Variants in OR9Q1 observed in about 807,000 individuals in gnomAD.
The protein encoded by OR9Q1 is olfactory receptor family 9 subfamily Q member 1, also known as olfactory receptor 9Q1.
For synonymous variants in OR9Q1, 153 were observed against 148.6 expected, an observed-to-expected ratio of 1.03 and a Z score of -0.22; for missense variants, 374 against 378.8, an observed-to-expected ratio of 0.99 and a Z score of 0.11.
intron 2 of OR9Q1, among the ~76,000 whole-genome samples, chr11:58,089,832 G>A (rs1853667435): frequency 6.6e-6 from 1 of 151,822 alleles, no homozygotes. Context: ...ATTTCCTTGA[G>A]CAGTGGTTTG....
Position 58,117,054 on chromosome 11 carries a change from T to C in OR9Q1, c.-15+61107T>C, listed in dbSNP as rs1310625477. ...TTGCTTTCATTGACTTTTATCATCATTGGTTGGTGATCTATTTTGCTTTTG... is the reference window on the plus strand; with the variant it reads ...TTGCTTTCATTGACTTTTATCATCACTGGTTGGTGATCTATTTTGCTTTTG... On this transcript the variant is annotated intron_variant, in intron 2 of 2. Transcript: ENST00000335397. 2.0e-5 allele frequency: 3 copies of C among 152,224 alleles called. No individual in the cohort carries two copies. In the East Asian group the frequency reaches 5.8e-4, roughly 29 times the overall value. 9.4% of individuals were successfully genotyped at this position (152,224 alleles called of 1,614,324 possible). A position where few individuals can be genotyped will look rare whatever the true frequency, so the allele number is the denominator to read the frequency against.
At chr11:58,141,395 C>T (rs1488425330) in intron 2 of OR9Q1, among the ~76,000 whole-genome samples, 1 of 152,138 alleles carries the variant, frequency 6.6e-6, no homozygotes, top group Admixed American at 6.5e-5. Context: ...TATGTCCCAT[C>T]AATACCTAAT....
intron 2 of OR9Q1, among the ~76,000 whole-genome samples, chr11:58,176,555 A>G (rs544870826): frequency 6.6e-6 from 1 of 152,314 alleles, no homozygotes; most frequent in Non-Finnish European, 1.5e-5. Flanking sequence ...GAATTGAACA[A>G]AAACCAGTGA....
chr11:58,129,543 GT>G (rs35898362), intron 2 of OR9Q1, among the ~76,000 whole-genome samples: 20,871 of 151,982 alleles, frequency 0.14, 2,389 homozygotes, highest in African/African-American at 0.28. Flanking sequence ...CCTCCCTCTG[GT>G]TTTGATCTCC....
At chr11:58,027,851 G>A (rs960826936) in intron 1 of OR9Q1, among the ~76,000 whole-genome samples, 14 of 152,152 alleles carry the variant, frequency 9.2e-5, no homozygotes, top group Admixed American at 7.2e-4. Context: ...GCTAATCTGG[G>A]CCTGATACAA....
At position 58,175,064 on chromosome 11, in the gene OR9Q1, C is replaced by A. The variant is rs1040751247; in HGVS notation, c.-14-4367C>A. Among the ~76,000 whole-genome samples, 3 of 127,522 alleles carry A rather than the reference C, an allele frequency of 2.4e-5. No homozygotes were observed. In the East Asian group the frequency reaches 7.2e-4, roughly 31 times the overall value. The allele number at this position is 127,522 out of a possible 152,430, so 83.7% of individuals were successfully genotyped here. Reference sequence around the variant, plus strand: ...GAGGTTGCAGTGACCTGAAATCACGCGACTGCACTCCAGCCTGGGCGACAG... The same window carrying A: ...GAGGTTGCAGTGACCTGAAATCACGAGACTGCACTCCAGCCTGGGCGACAG... On this transcript the variant is annotated intron_variant, in intron 2 of 2. Transcript: ENST00000335397.
At position 58,180,356 on chromosome 11, in the gene OR9Q1, C is replaced by A. The variant is rs1354789765; in HGVS notation, c.912C>A (p.Leu304=). Residue 304 remains leucine, a synonymous_variant, in exon 3 of 3, where the codon CTC becomes CTA. Transcript: ENST00000335397. The part of the protein sequence containing the change: ...KEVKEALRKI[L]NRAKLS ...TGAAGGAGGCCCTGAGAAAAATTCT[C>A]AATAGAGCCAAGTTGTCCTAACCAT... 2.5e-6 allele frequency: 4 copies of A among 1,591,536 alleles called. No individual in the cohort carries two copies. The highest frequency in any genetic ancestry group is 1.3e-5 in the African/African-American group (1 of 74,486).
chr11:58,045,816 G>T (rs1853210831), intron 1 of OR9Q1, among the ~76,000 whole-genome samples: 1 of 152,162 alleles, frequency 6.6e-6, no homozygotes, highest in African/African-American at 2.4e-5. Flanking sequence ...ACCACTCTAG[G>T]GTTCCTTGAG....
chr11:58,069,839 C>G (rs1853468848), intron 2 of OR9Q1, among the ~76,000 whole-genome samples: 1 of 151,726 alleles, frequency 6.6e-6, no homozygotes, highest in Non-Finnish European at 1.5e-5. Context: ...CACTGCATTC[C>G]AGCCTGTGTG....
At chr11:58,067,009 G>A (rs1424255476) in intron 2 of OR9Q1, among the ~76,000 whole-genome samples, 1 of 149,060 alleles carries the variant, frequency 6.7e-6, no homozygotes, top group Non-Finnish European at 1.5e-5. Context: ...GCAGGGTTCA[G>A]CTGTAATTTG....
chr11:58,105,014 CA>C (rs1445656810), intron 2 of OR9Q1, among the ~76,000 whole-genome samples: 2 of 151,556 alleles, frequency 1.3e-5, no homozygotes, highest in Non-Finnish European at 2.9e-5. Context: ...ATTTTTATAA[CA>C]ATTCTTTCAA....
At chr11:58,127,653 T>C (rs1314123270) in intron 2 of OR9Q1, among the ~76,000 whole-genome samples, 1 of 152,168 alleles carries the variant, frequency 6.6e-6, no homozygotes, top group Non-Finnish European at 1.5e-5. Flanking sequence ...TGTGAGCTCT[T>C]AGCAGCCAAT....
At chr11:58,160,979 T>A (rs1281612951) in intron 2 of OR9Q1, among the ~76,000 whole-genome samples, 1 of 151,570 alleles carries the variant, frequency 6.6e-6, no homozygotes, top group Non-Finnish European at 1.5e-5. Flanking sequence ...GAGTTAAGAG[T>A]TCTAATTGAA....
At chr11:58,090,346 T>G (rs902080032) in intron 2 of OR9Q1, among the ~76,000 whole-genome samples, 11 of 152,248 alleles carry the variant, frequency 7.2e-5, no homozygotes, top group African/African-American at 2.7e-4. Context: ...ACTGAGTGTT[T>G]TAGCATAAAG....
rs554937067 is a variant in OR9Q1 at position 58,024,105 on chromosome 11, G to A, written c.-93+1G>A. On this transcript the variant is annotated splice_donor_variant, in intron 1 of 2. Coordinates refer to ENST00000335397, the MANE Select transcript of OR9Q1 (RefSeq NM_001005212.4). LOFTEE classifies it low-confidence loss of function (5UTR_SPLICE). ...AACTCACAGCTACGGCCTGACGGAG[G>A]TAGGGTCAAATGCAGCTCCACTGAT... The A allele has an allele frequency of 2.0e-5, 3 of 152,314 alleles. No individual in the cohort carries two copies. Among genetic ancestry groups the A allele is most frequent in the Non-Finnish European group, 4.4e-5 (3 of 68,086 alleles). The allele number at this position is 152,314 out of a possible 1,614,324, so 9.4% of individuals were successfully genotyped here. A position where few individuals can be genotyped will look rare whatever the true frequency, so the allele number is the denominator to read the frequency against.
intron 1 of OR9Q1, among the ~76,000 whole-genome samples, chr11:58,049,680 T>C (rs914449082): frequency 3.6e-5 from 3 of 82,660 alleles, no homozygotes; most frequent in African/African-American, 1.7e-4. Flanking sequence ...GACGACATGA[T>C]TGTTTATCTA....
At chr11:58,042,640 T>G (rs3133868) in intron 1 of OR9Q1, among the ~76,000 whole-genome samples, 98,655 of 148,644 alleles carry the variant, frequency 0.66, 33,221 homozygotes, top group Middle Eastern at 0.79. Context: ...CTCTTTTTTG[T>G]TTCCATATGA....
chr11:58,074,117 C>T (rs1853516224), intron 2 of OR9Q1, among the ~76,000 whole-genome samples: 1 of 152,128 alleles, frequency 6.6e-6, no homozygotes, highest in Admixed American at 6.5e-5. Context: ...ATAAATAGTG[C>T]TGCAATAAAC....
rs1296599106 is a variant in OR9Q1 at position 58,096,389 on chromosome 11, C to A, written c.-15+40442C>A. 2.0e-5 allele frequency among the ~76,000 whole-genome samples: 3 copies of A among 152,280 alleles called. No individual in the cohort carries two copies. In the East Asian group the frequency reaches 5.8e-4, roughly 29 times the overall value. On this transcript the variant is annotated intron_variant, in intron 2 of 2. Coordinates refer to ENST00000335397, the MANE Select transcript of OR9Q1 (RefSeq NM_001005212.4). ...TGTCCAGACAATCATTCTTCCTCCA[C>A]CCTCCACAGACAACCGCTATTCTGA...
Sources: gnomAD v4.1 joint callset for allele counts (sites outside exome capture counted in the v4.1 genomes callset) on GRCh38, gnomAD v4.1.1 for gene constraint, MANE v1.5 for transcripts, NCBI Gene and HGNC (gene_info 2026-07-23, HGNC 2026-07-21) for gene names.